The following RWDD2B variants were observed in gnomAD, a reference collection of about 807,000 sequenced individuals.
RWDD2B encodes RWD domain-containing protein 2B.
In RWDD2B, 36 loss-of-function variants were observed where a neutral mutation model predicts 33.6. The ratio of observed to expected loss-of-function variants is 1.07; its 90% CI spans 0.82 to 1.42. RWDD2B has a LOEUF of 1.42. Ranked by LOEUF, RWDD2B falls within the 40% of genes most tolerant of loss-of-function variation. The pLI, the probability that RWDD2B is intolerant of heterozygous loss-of-function variation, is 0.00. For synonymous variants in RWDD2B, 126 were observed against 133.1 expected (o/e 0.95, Z 0.37); for missense variants, 364 against 377.5 (o/e 0.96, Z 0.30).
intron 1 of RWDD2B, among the ~76,000 whole-genome samples, chr21:29,012,771 A>T (rs1008541936): frequency 9.3e-5 from 5 of 53,960 alleles, no homozygotes; most frequent in Admixed American, 3.8e-4. Flanking sequence ...ATGATCAATT[A>T]AAAAAAAAAA....
chr21:29,011,486 G>A (rs1469916527), intron 1 of RWDD2B, among the ~76,000 whole-genome samples: 19 of 151,680 alleles, frequency 1.3e-4, no homozygotes, highest in Admixed American at 7.2e-4. Context: ...CACCCCGTCT[G>A]GGAAGTGAGG....
chr21:29,018,570 C>T (rs118044379), intron 1 of RWDD2B, among the ~76,000 whole-genome samples: 188 of 152,304 alleles, frequency 1.2e-3, no homozygotes, highest in Non-Finnish European at 2.1e-3. Flanking sequence ...GACTCTTGAA[C>T]GGACAACTAC....
intron 1 of RWDD2B, among the ~76,000 whole-genome samples, chr21:29,011,012 T>C (rs1051238545): frequency 1.5e-4 from 23 of 152,074 alleles, no homozygotes; most frequent in Non-Finnish European, 2.5e-4. Flanking sequence ...TGATCTCGGC[T>C]CGCTACAACC....
Position 29,014,777 on chromosome 21 carries a change from AG to A in RWDD2B, c.67+4433del, listed in dbSNP as rs1343004260. 3.9e-5 allele frequency among the ~76,000 whole-genome samples: 6 copies of A among 152,318 alleles called. 1 individual carries two copies. The highest frequency in any genetic ancestry group is 1.4e-4 in the African/African-American group (6 of 41,568). ...CAGAGCTTTCAGTGAGCCGAGATAC[AG>A]CCACTGCACTCCAGCCTGGGCGGCA... is the stretch of plus-strand genomic sequence containing the variant. On this transcript the variant is annotated intron_variant, in intron 1 of 4. Transcript: ENST00000493196.
chr21:29,007,707 T>C, intron 4 of RWDD2B, 54 bp downstream of exon 4: 1 of 1,555,208 alleles, frequency 6.4e-7, no homozygotes, highest in South Asian at 1.2e-5. Flanking sequence ...TGACTGTATC[T>C]TGTTTAGTAT....
intron 1 of RWDD2B, among the ~76,000 whole-genome samples, chr21:29,009,159 C>T (rs1243734290): frequency 1.3e-5 from 2 of 152,064 alleles, no homozygotes; most frequent in Non-Finnish European, 2.9e-5. Flanking sequence ...ATGATCCCCG[C>T]TCACTGCAAC....
chr21:29,017,336 C>T (rs2084895332), intron 1 of RWDD2B, among the ~76,000 whole-genome samples: 1 of 150,752 alleles, frequency 6.6e-6, no homozygotes, highest in Non-Finnish European at 1.5e-5. Flanking sequence ...AGCCCAGGTG[C>T]GGTGGTGGCT....
At chr21:29,011,526 G>T (rs1313465668) in intron 1 of RWDD2B, among the ~76,000 whole-genome samples, 1 of 145,434 alleles carries the variant, frequency 6.9e-6, no homozygotes, top group Admixed American at 6.7e-5. Context: ...CACCTCGTCC[G>T]GAAGGGAGGT....
At chr21:29,008,656 A>G (rs2084842158) in intron 1 of RWDD2B, 35 bp from the exon 2 acceptor site, 6 of 1,421,424 alleles carry the variant, frequency 4.2e-6, no homozygotes, top group Admixed American at 1.9e-5. Flanking sequence ...CAATTTACAT[A>G]TGCAATCTTG....
At chr21:29,011,313 C>A (rs1447623390) in intron 1 of RWDD2B, among the ~76,000 whole-genome samples, 1 of 148,736 alleles carries the variant, frequency 6.7e-6, no homozygotes, top group African/African-American at 2.5e-5. Flanking sequence ...AGCACCTCTG[C>A]CCTGCCGCCC....
intron 1 of RWDD2B, among the ~76,000 whole-genome samples, chr21:29,016,631 T>C (rs1384419680): frequency 1.3e-5 from 2 of 152,050 alleles, no homozygotes; most frequent in East Asian, 1.9e-4. Flanking sequence ...TCCATATACA[T>C]ATTTGCTGGT....
chr21:29,004,517 G>T lies in RWDD2B; in HGVS notation c.*1900C>A, dbSNP rs909129900. ...ACTTTAGCTGCTTAAAGTAATATAT[G>T]CATCATCTGCCCCCTTTGGTGGTAG... is the stretch of plus-strand genomic sequence containing the variant. On this transcript the variant is annotated 3_prime_UTR_variant, in exon 5 of 5. Coordinates refer to ENST00000493196, the MANE Select transcript of RWDD2B (RefSeq NM_016940.3). 4 of 152,192 alleles carry T rather than the reference G, an allele frequency of 2.6e-5. No homozygotes were observed. Among genetic ancestry groups the T allele is most frequent in the African/African-American group, 9.6e-5 (4 of 41,452 alleles). The allele number at this position is 152,192 out of a possible 1,614,324, so 9.4% of individuals were successfully genotyped here.
intron 4 of RWDD2B, among the ~76,000 whole-genome samples, chr21:29,007,365 C>T (rs1310533231): frequency 2.0e-5 from 3 of 152,188 alleles, no homozygotes; most frequent in Admixed American, 1.3e-4. Context: ...AAGACACAAC[C>T]CCTGGGACAT....
intron 1 of RWDD2B, among the ~76,000 whole-genome samples, chr21:29,018,986 G>A (rs554002793): frequency 3.0e-4 from 45 of 152,242 alleles, no homozygotes; most frequent in African/African-American, 9.6e-4. Flanking sequence ...AGCCCAGCAC[G>A]CAGCCGCCCT....
rs927982729 is a variant in RWDD2B at position 29,006,780 on chromosome 21, T to C, written c.726-129A>G. The C allele has an allele frequency of 1.4e-4, 91 of 635,072 alleles. No homozygotes were observed. In the African/African-American group the frequency reaches 1.6e-3, roughly 11 times the overall value. The allele number at this position is 635,072 out of a possible 1,614,324, so 39.3% of individuals were successfully genotyped here. On this transcript the variant is annotated intron_variant, in intron 4 of 4. Coordinates refer to ENST00000493196, the MANE Select transcript of RWDD2B (RefSeq NM_016940.3). ...TCTACTTTTTAAAATGTTTATAACTTTTACTTATTGATTTAGTAGAGGCAG... is the reference window on the plus strand; with the variant it reads ...TCTACTTTTTAAAATGTTTATAACTCTTACTTATTGATTTAGTAGAGGCAG...
At position 29,009,951 on chromosome 21, in the gene RWDD2B, T is replaced by C. The variant is rs147551145; in HGVS notation, c.68-1330A>G. On this transcript the variant is annotated intron_variant, in intron 1 of 4. Transcript: ENST00000493196. ...CCACCAAATATATTTTGTAGATCTA[T>C]TCACTGTCAACATATAGTGATCTAC... Among the ~76,000 whole-genome samples, 12 of 152,280 alleles carry C rather than the reference T, an allele frequency of 7.9e-5. 1 individual carries two copies. In the East Asian group the frequency reaches 2.3e-3, roughly 29 times the overall value.
rs1413957536 is a variant in RWDD2B at position 29,006,481 on chromosome 21, T to A, written c.896A>T (p.Gln299Leu). The change falls in exon 5 of 5, where the codon CAG (glutamine) becomes CTG (leucine). Residue 299 changes from glutamine (Q) to leucine (L), a missense_variant. Physicochemically the swap from Gln to Leu is moderately radical, Grantham distance 113. Coordinates refer to ENST00000493196, the MANE Select transcript of RWDD2B (RefSeq NM_016940.3). Reference protein sequence around the residue: ...GNHMDFGQLYQFLNTKGCGDV... With the variant: ...GNHMDFGQLYLFLNTKGCGDV... ...CCCACATCCTTTGGTGTTTAAGAACTGATAGAGCTGACCAAAGTCCATGTG... is the reference window on the plus strand; with the variant it reads ...CCCACATCCTTTGGTGTTTAAGAACAGATAGAGCTGACCAAAGTCCATGTG... The A allele has an allele frequency of 6.2e-7, 1 of 1,614,120 alleles. No homozygotes were observed. The highest frequency in any genetic ancestry group is 2.2e-5 in the East Asian group (1 of 44,868).
At chr21:29,011,084 C>T (rs1342998374) in intron 1 of RWDD2B, among the ~76,000 whole-genome samples, 1 of 151,938 alleles carries the variant, frequency 6.6e-6, no homozygotes. Context: ...TCTGCCCGGC[C>T]GCCACCCCGT....
At chr21:29,007,666 A>T in intron 4 of RWDD2B, 95 bp downstream of exon 4, 1 of 1,363,892 alleles carries the variant, frequency 7.3e-7, no homozygotes, top group Non-Finnish European at 1.0e-6. Context: ...TGTGTTGTCC[A>T]CTGTTGACCA....
Sources: allele counts gnomAD v4.1 joint callset (sites outside exome capture counted in the v4.1 genomes callset), GRCh38; gene constraint gnomAD v4.1.1; transcripts MANE v1.5; gene names NCBI Gene and HGNC (gene_info 2026-07-23, HGNC 2026-07-21).